TGM2: variants seen among roughly 807,000 people sequenced by gnomAD.
TGM2 encodes the protein transglutaminase 2.
A neutral mutation model predicts 75.6 loss-of-function variants in TGM2; 53 were observed. The ratio of observed to expected loss-of-function variants is 0.70; its 90% confidence interval spans 0.56 to 0.88. The LOEUF (loss-of-function observed/expected upper bound fraction) is 0.88, where lower values mean the gene tolerates loss of function less well. Ranked by LOEUF, TGM2 falls within the 40% of genes least tolerant of loss-of-function variation. The pLI is 0.00. For synonymous variants in TGM2, 374 were observed against 381.1 expected (o/e 0.98, Z 0.22); for missense variants, 842 against 928.5 (o/e 0.91, Z 1.21).
At position 38,129,327 on chromosome 20, in the gene TGM2, T is replaced by C. The variant is rs1005160640; in HGVS notation, c.*892A>G. The C allele has an allele frequency of 2.0e-5, 3 of 152,222 alleles. No homozygotes were observed. Among genetic ancestry groups the C allele is most frequent in the Non-Finnish European group, 4.4e-5 (3 of 68,106 alleles). 9.4% of individuals were successfully genotyped at this position (152,222 alleles called of 1,614,324 possible). On this transcript the variant is annotated 3_prime_UTR_variant, in exon 13 of 13. Transcript: ENST00000361475. ...TCTGACTCCCAGTCCCCCAGTCCCC[T>C]CTCTACCTCCTTGTCTTGGCTGAGT...
intron 8 of TGM2, among the ~76,000 whole-genome samples, chr20:38,140,973 G>A (rs540206577): frequency 2.0e-5 from 3 of 152,104 alleles, no homozygotes; most frequent in Middle Eastern, 3.4e-3. Context: ...ACAAATACAC[G>A]ATTTGAAATC....
chr20:38,139,364 C>G (rs1193342959), intron 9 of TGM2, 48 bp downstream of exon 9: 3 of 1,613,372 alleles, frequency 1.9e-6, no homozygotes, highest in Admixed American at 1.7e-5. Context: ...GCTGGGAAAA[C>G]TGGATGCTTA....
rs2074949737 is a variant in TGM2, at chr20:38,139,867, CTGT to C, written c.1100-216_1100-214del. Among the ~76,000 whole-genome samples the C allele has an allele frequency of 2.6e-5, 4 of 152,194 alleles. No homozygotes were observed. The South Asian group carries it at 8.3e-4, about 31-fold the overall frequency. Reference sequence around the variant, plus strand: ...TTTAAGGTTCAAATCCCAGCTCAGCCTGTTATTAGCTGGTGACTTTGGGCCAGT... The same window carrying C: ...TTTAAGGTTCAAATCCCAGCTCAGCCTATTAGCTGGTGACTTTGGGCCAGT... On this transcript the variant is annotated intron_variant, in intron 8 of 12. Coordinates refer to ENST00000361475, the MANE Select transcript of TGM2 (RefSeq NM_004613.4).
At chr20:38,166,257 C>T (rs1490697045), upstream of TGM2, 1 of 147,942 alleles carries the variant, frequency 6.8e-6, no homozygotes, top group African/African-American at 2.4e-5. Flanking sequence ...TCCACTCACC[C>T]ATGCATCACC....
chr20:38,156,937 G>A (rs1166745206), intron 2 of TGM2, among the ~76,000 whole-genome samples: 9 of 152,146 alleles, frequency 5.9e-5, no homozygotes, highest in Admixed American at 5.9e-4. Flanking sequence ...TCCCCAGCCG[G>A]GTTCTCAAAG....
At chr20:38,159,463 G>C (rs778120946) in intron 2 of TGM2, among the ~76,000 whole-genome samples, 1 of 151,688 alleles carries the variant, frequency 6.6e-6, no homozygotes, top group African/African-American at 2.4e-5. Flanking sequence ...CCCGTGACAC[G>C]AGTTTACCTA....
intron 3 of TGM2, among the ~76,000 whole-genome samples, chr20:38,151,565 T>G (rs1284302151): frequency 1.3e-5 from 2 of 152,086 alleles, no homozygotes; most frequent in Admixed American, 1.3e-4. Context: ...ATCTGAAAGG[T>G]GCTTTGGAAA....
intron 6 of TGM2, among the ~76,000 whole-genome samples, chr20:38,144,879 A>G (rs1183050888): frequency 1.3e-5 from 2 of 152,184 alleles, no homozygotes; most frequent in Admixed American, 1.3e-4. Flanking sequence ...ACCAGAACAC[A>G]GCCCTGCAGT....
At chr20:38,131,027 G>C in intron 12 of TGM2, 66 bp downstream of exon 12, 1 of 1,603,022 alleles carries the variant, frequency 6.2e-7, no homozygotes, top group East Asian at 2.2e-5. Context: ...CCTAAGGACA[G>C]TCTCTACCCC....
chr20:38,127,869 AT>A lies in TGM2; in HGVS notation c.*2349del, dbSNP rs1216287759. ...GGCTTGCATTTGTGGCTCATGTATT[AT>A]TTCTATGGGACAGCACAGGTCTTGT... On this transcript the variant is annotated 3_prime_UTR_variant, in exon 13 of 13. Coordinates refer to ENST00000361475, the MANE Select transcript of TGM2 (RefSeq NM_004613.4). The A allele has an allele frequency of 1.3e-5, 2 of 152,132 alleles. No homozygotes were observed. Among genetic ancestry groups the A allele is most frequent in the Non-Finnish European group, 2.9e-5 (2 of 68,022 alleles). 9.4% of individuals were successfully genotyped at this position (152,132 alleles called of 1,614,324 possible).
At chr20:38,149,705 G>GAAAAAAAAAA (rs2075094905) in intron 4 of TGM2, among the ~76,000 whole-genome samples, 1 of 123,896 alleles carries the variant, frequency 8.1e-6, no homozygotes, top group African/African-American at 3.6e-5. Flanking sequence ...AAAAAAACAG[G>GAAAAAAAAAA]ACCCTGGGAA....
intron 9 of TGM2, 123 bp downstream of exon 9, chr20:38,139,289 C>A (rs1026385796): frequency 1.4e-6 from 2 of 1,401,256 alleles, no homozygotes; most frequent in Admixed American, 3.7e-5. Flanking sequence ...GTATAGCCTA[C>A]GGGGCCATTG....
At position 38,154,754 on chromosome 20, in the gene TGM2, C is replaced by A. The variant is rs45600341; in HGVS notation, c.433+1093G>T. On this transcript the variant is annotated intron_variant, in intron 3 of 12. Transcript: ENST00000361475. Reference sequence around the variant, plus strand: ...TCACCCCCCTCCCCCAGCCCTCCCCCCAACCTCACCTCCGGGTTTCCCTTC... The same window carrying A: ...TCACCCCCCTCCCCCAGCCCTCCCCACAACCTCACCTCCGGGTTTCCCTTC... 2.0e-4 allele frequency among the ~76,000 whole-genome samples: 30 copies of A among 152,170 alleles called. 2 individuals carry two copies. The East Asian group carries it at 5.6e-3, about 29-fold the overall frequency.
At chr20:38,131,061 C>G (rs201037222) in intron 12 of TGM2, 32 bp downstream of exon 12, 2 of 1,609,470 alleles carry the variant, frequency 1.2e-6, no homozygotes, top group Admixed American at 3.3e-5. Context: ...CCGCTTCCCC[C>G]AGGCCCCAAA....
At chr20:38,162,332 C>T (rs2075264564) in intron 1 of TGM2, among the ~76,000 whole-genome samples, 2 of 152,206 alleles carry the variant, frequency 1.3e-5, no homozygotes, top group African/African-American at 4.8e-5. Context: ...TTGGTTTAAG[C>T]AGGGGCAGTA....
At chr20:38,130,883 G>A (rs2074820834) in intron 12 of TGM2, among the ~76,000 whole-genome samples, 1 of 152,212 alleles carries the variant, frequency 6.6e-6, no homozygotes, top group African/African-American at 2.4e-5. Flanking sequence ...GTGGAGGTCT[G>A]TGGCAGATCT....
chr20:38,164,403 C>T (rs1451205009), intron 1 of TGM2, among the ~76,000 whole-genome samples: 1 of 152,154 alleles, frequency 6.6e-6, no homozygotes, highest in Non-Finnish European at 1.5e-5. Flanking sequence ...GAAATCCCTC[C>T]AGCTGGGACC....
intron 3 of TGM2, among the ~76,000 whole-genome samples, chr20:38,151,477 C>T (rs1404848553): frequency 6.6e-6 from 1 of 152,202 alleles, no homozygotes; most frequent in Non-Finnish European, 1.5e-5. Flanking sequence ...CTGATTCTCA[C>T]TTGCTGTGTG....
intron 4 of TGM2, among the ~76,000 whole-genome samples, chr20:38,149,181 C>T (rs541128166): frequency 2.0e-5 from 3 of 152,198 alleles, no homozygotes; most frequent in African/African-American, 4.8e-5. Flanking sequence ...CCTAGTATGT[C>T]GTGCACACAC....
Sources: allele counts gnomAD v4.1 joint callset (sites outside exome capture counted in the v4.1 genomes callset), GRCh38; gene constraint gnomAD v4.1.1; transcripts MANE v1.5; gene names NCBI Gene and HGNC (gene_info 2026-07-23, HGNC 2026-07-21).